The following ABCA6 variants were observed in gnomAD, a reference collection of about 807,000 sequenced individuals.
ABCA6 encodes ATP-binding cassette sub-family A member 6.
A neutral mutation model predicts 191.2 loss-of-function variants in ABCA6; 164 were observed. The observed-to-expected ratio is 0.86, with a 90% confidence interval of 0.76 to 0.98. The LOEUF (loss-of-function observed/expected upper bound fraction) is 0.98. ABCA6 is among the 50% of genes least tolerant of loss of function. The pLI is 0.00. For missense variants in ABCA6, 1,958 were observed against 1,894.1 expected, an observed-to-expected ratio of 1.03 and a Z score of -0.63; for synonymous variants, 636 against 647.7, an observed-to-expected ratio of 0.98 and a Z score of 0.27.
At position 69,091,172 on chromosome 17, in the gene ABCA6, A is replaced by C. The variant is rs145482966; in HGVS notation, c.3499T>G (p.Leu1167Val). ...TTMVLVPSYT[L>V]LGFKTFLEVR... ...TCCAAAAAAGTTTTAAATCCAAGCA[A>C]GGTATATGAAGGAACCAATACCATG... The change falls in exon 26 of 39, where the codon TTG (leucine) becomes GTG (valine). Residue 1167 changes from leucine (L) to valine (V), a missense_variant. Transcript: ENST00000284425. The C allele has an allele frequency of 5.3e-5, 86 of 1,610,626 alleles. No homozygotes were observed. In the African/African-American group the frequency reaches 1.1e-3, roughly 20 times the overall value.
Position 69,115,446 on chromosome 17 carries a change from G to A in ABCA6, c.1536C>T (p.Ile512=). 1 of 1,611,782 alleles carries A rather than the reference G, an allele frequency of 6.2e-7. No homozygotes were observed. Among genetic ancestry groups the A allele is most frequent in the African/African-American group, 1.3e-5 (1 of 74,912 alleles). The change falls in exon 12 of 39, where the codon ATC becomes ATT. Residue 512 remains isoleucine (I), a synonymous_variant. Transcript: ENST00000284425. The part of the protein sequence containing the change: ...FDIYEGQITA[I]LGHSGAGKSS... ...ATTTGCCAGCTCCACTGTGACCCAG[G>A]ATTGCCGTGATTTGACCTTCATATA...
At chr17:69,130,375 G>A (rs1327227657) in intron 6 of ABCA6, among the ~76,000 whole-genome samples, 1 of 151,778 alleles carries the variant, frequency 6.6e-6, no homozygotes, top group Non-Finnish European at 1.5e-5. Context: ...CTGGGCCATT[G>A]TGCCTCGTTG....
chr17:69,132,980 G>A (rs185147725), intron 6 of ABCA6, among the ~76,000 whole-genome samples: 49 of 152,144 alleles, frequency 3.2e-4, no homozygotes, highest in African/African-American at 9.6e-4. Context: ...ATGTGTACAC[G>A]CACTCATGAT....
intron 10 of ABCA6, among the ~76,000 whole-genome samples, chr17:69,122,782 AAGG>A (rs1421580101): frequency 6.6e-6 from 1 of 152,040 alleles, no homozygotes; most frequent in Non-Finnish European, 1.5e-5. Context: ...GCTGATAAAC[AAGG>A]AGGATTTTCC....
At chr17:69,097,694 G>T (rs2073081232) in intron 23 of ABCA6, among the ~76,000 whole-genome samples, 1 of 152,174 alleles carries the variant, frequency 6.6e-6, no homozygotes, top group Non-Finnish European at 1.5e-5. Flanking sequence ...AGACTAATTG[G>T]AGTCTCTGAA....
At position 69,136,265 on chromosome 17, in the gene ABCA6, G is replaced by T; in HGVS notation, c.302-15C>A. 6.8e-7 allele frequency: 1 copy of T among 1,473,674 alleles called. No homozygotes were observed. The highest frequency in any genetic ancestry group is 9.0e-7 in the Non-Finnish European group (1 of 1,110,574). 91.3% of individuals were successfully genotyped at this position (1,473,674 alleles called of 1,614,324 possible). A position where few individuals can be genotyped will look rare whatever the true frequency, so the allele number is the denominator to read the frequency against. ...GACACTTGTTCCTGTGAATTACAAG[G>T]TAAAAATAGACATAGAAAATTGTAA... On this transcript the variant is annotated splice_polypyrimidine_tract_variant and intron_variant, in intron 3 of 38. Coordinates refer to ENST00000284425, the MANE Select transcript of ABCA6 (RefSeq NM_080284.3).
intron 36 of ABCA6, among the ~76,000 whole-genome samples, chr17:69,082,383 A>C (rs1319925303): frequency 1.3e-5 from 2 of 152,058 alleles, no homozygotes; most frequent in African/African-American, 4.8e-5. Flanking sequence ...GCATGCACAC[A>C]CACATACACA....
At position 69,117,973 on chromosome 17, in the gene ABCA6, G is replaced by T. The variant is rs1448554296; in HGVS notation, c.1437-17C>A. 7 of 1,570,342 alleles carry T rather than the reference G, an allele frequency of 4.5e-6. No individual in the cohort carries two copies. In the Admixed American group the frequency reaches 8.8e-5, roughly 20 times the overall value. The stretch of plus-strand genomic sequence containing the variant: ...TTTCTGATTCTGAAATAACAAAAAG[G>T]GTGCTTACTTAGCCAACACAGAAGT... On this transcript the variant is annotated splice_polypyrimidine_tract_variant and intron_variant, in intron 10 of 38. Transcript: ENST00000284425.
chr17:69,119,181 A>G (rs1208686758), intron 10 of ABCA6, among the ~76,000 whole-genome samples: 1 of 152,084 alleles, frequency 6.6e-6, no homozygotes, highest in African/African-American at 2.4e-5. Context: ...AATGAGTCTA[A>G]TGTGAAGCCA....
At chr17:69,126,887 A>T (rs2073764186) in intron 8 of ABCA6, among the ~76,000 whole-genome samples, 1 of 152,168 alleles carries the variant, frequency 6.6e-6, no homozygotes, top group Non-Finnish European at 1.5e-5. Context: ...ACAAGACTCT[A>T]TTGAAAAAGA....
intron 34 of ABCA6, among the ~76,000 whole-genome samples, chr17:69,083,859 T>A (rs1421760523): frequency 6.6e-6 from 1 of 150,724 alleles, no homozygotes. Context: ...CGAGAAAAAC[T>A]GGAGGAACAA....
intron 25 of ABCA6, chr17:69,094,357 T>C (rs1199439584): frequency 6.6e-6 from 1 of 152,374 alleles, no homozygotes; most frequent in Non-Finnish European, 1.5e-5. Flanking sequence ...CACTGGACTC[T>C]CACTCCTTAC....
intron 20 of ABCA6, chr17:69,104,277 C>T (rs1385569161): frequency 6.6e-6 from 1 of 152,036 alleles, no homozygotes; most frequent in African/African-American, 2.4e-5. Flanking sequence ...AACACAAGCC[C>T]ACTGCCCTCA....
chr17:69,083,296 C>T lies in ABCA6; in HGVS notation c.4391G>A (p.Arg1464Lys), dbSNP rs1374573745. 1.2e-6 allele frequency: 2 copies of T among 1,603,108 alleles called. No individual in the cohort carries two copies. The highest frequency in any genetic ancestry group is 2.7e-5 in the African/African-American group (2 of 74,214). ...GTTATGGGTGGTCAGGAGGACACCT[C>T]TCTCTGTGTTTTTAACGACTGCCTG... ...AIQAVVKNTE[R>K]GVLLTTHNLA... Residue 1464 changes from arginine to lysine, a missense_variant, in exon 35 of 39, where the codon AGA becomes AAA. Coordinates refer to ENST00000284425, the MANE Select transcript of ABCA6 (RefSeq NM_080284.3).
At chr17:69,104,764 G>A (rs530706322) in intron 20 of ABCA6, 10 of 149,372 alleles carry the variant, frequency 6.7e-5, no homozygotes, top group Admixed American at 2.0e-4. Context: ...GAGGCCAGGA[G>A]TTCAACACAG....
intron 24 of ABCA6, 41 bp downstream of exon 24, chr17:69,096,583 TATTA>T (rs1598453130): frequency 1.6e-6 from 2 of 1,288,668 alleles, no homozygotes; most frequent in Non-Finnish European, 2.1e-6. Context: ...TAAAATTTAT[TATTA>T]ATTACTTTAT....
intron 25 of ABCA6, chr17:69,094,697 T>C (rs2073006697): frequency 1.3e-5 from 2 of 158,522 alleles, no homozygotes; most frequent in Admixed American, 1.3e-4. Context: ...TGGGATAAGT[T>C]GTGAGTATAC....
intron 13 of ABCA6, 96 bp downstream of exon 13, chr17:69,114,666 A>G (rs530024112): frequency 1.6e-6 from 2 of 1,270,712 alleles, no homozygotes; most frequent in South Asian, 3.5e-5. Context: ...AATTTTATTC[A>G]TAACAGGGCA....
At chr17:69,080,333 G>A (rs1313551428) in intron 37 of ABCA6, among the ~76,000 whole-genome samples, 1 of 151,932 alleles carries the variant, frequency 6.6e-6, no homozygotes, top group Non-Finnish European at 1.5e-5. Context: ...CTCACCCAAC[G>A]TCACCCAGCT....
Sources: allele counts gnomAD v4.1 joint callset (sites outside exome capture counted in the v4.1 genomes callset), GRCh38; gene constraint gnomAD v4.1.1; transcripts MANE v1.5; gene names NCBI Gene and HGNC (gene_info 2026-07-23, HGNC 2026-07-21).